The following TXLNB variants were observed in gnomAD, a reference collection of about 807,000 sequenced individuals.
TXLNB encodes the protein beta-taxilin.
TXLNB carries 37 observed loss-of-function variants against 57.4 expected under a neutral mutation model. That is an observed-to-expected ratio of 0.64 (90% CI 0.50 to 0.85). TXLNB has a LOEUF of 0.85. TXLNB is among the 40% of genes least tolerant of loss of function. The pLI, the probability that TXLNB is intolerant of heterozygous loss-of-function variation, is 0.00. For synonymous variants in TXLNB, 302 were observed against 309.6 expected (o/e 0.98, Z 0.26); for missense variants, 848 against 825.6 (o/e 1.03, Z -0.33).
In TXLNB at chr6:139,240,410, T is replaced by C. The variant is rs1562268031; in HGVS notation, c.*2116A>G. 1 of 152,676 alleles carries C rather than the reference T, an allele frequency of 6.5e-6. No homozygotes were observed. The highest frequency in any genetic ancestry group is 1.5e-5 in the Non-Finnish European group (1 of 68,046). 9.5% of individuals were successfully genotyped at this position (152,676 alleles called of 1,614,324 possible). ...TGTGTTTCTGTGAAAGTCTTTTGGA[T>C]GAAAATAATGAACTTTGGGTTTTAG... On this transcript the variant is annotated 3_prime_UTR_variant, in exon 10 of 10. Coordinates refer to ENST00000358430, the MANE Select transcript of TXLNB (RefSeq NM_153235.4).
chr6:139,169,447 G>A, the TXLNB span: 1 of 152,082 alleles, frequency 6.6e-6, no homozygotes. Flanking sequence ...TTTCATGTAT[G>A]TAATTTCTTG....
the TXLNB span, among the ~76,000 whole-genome samples, chr6:139,163,352 CT>C: frequency 1.1e-3 from 150 of 142,410 alleles, no homozygotes; most frequent in South Asian, 6.1e-3. Context: ...GTTCTCCATT[CT>C]TTTTTTTTTT....
the TXLNB span, among the ~76,000 whole-genome samples, chr6:139,314,785 C>T: frequency 6.6e-6 from 1 of 152,214 alleles, no homozygotes; most frequent in Non-Finnish European, 1.5e-5. Flanking sequence ...ACCTAACCAA[C>T]TCCATCTTGC....
chr6:139,228,484 C>A, the TXLNB span, among the ~76,000 whole-genome samples: 8 of 148,970 alleles, frequency 5.4e-5, no homozygotes, highest in Non-Finnish European at 1.0e-4. Flanking sequence ...TGAGATCATG[C>A]CACTGCACCC....
chr6:139,187,706 C>T, the TXLNB span, among the ~76,000 whole-genome samples: 1 of 152,264 alleles, frequency 6.6e-6, no homozygotes. Flanking sequence ...CTCCCAGCTG[C>T]CAGCATTCAT....
chr6:139,229,511 T>G, the TXLNB span, among the ~76,000 whole-genome samples: 1 of 152,094 alleles, frequency 6.6e-6, no homozygotes, highest in African/African-American at 2.4e-5. Context: ...TTAGTAGAGA[T>G]GGGGCTTTAC....
At chr6:139,164,552 A>G in the TXLNB span, among the ~76,000 whole-genome samples, 1 of 152,166 alleles carries the variant, frequency 6.6e-6, no homozygotes, top group Non-Finnish European at 1.5e-5. Flanking sequence ...GCTTCTGCCT[A>G]GAGGATGAGG....
chr6:139,163,605 C>T, the TXLNB span, among the ~76,000 whole-genome samples: 3 of 152,294 alleles, frequency 2.0e-5, no homozygotes, highest in East Asian at 1.9e-4. Context: ...CCACCCGCCA[C>T]GGCCTTCGAA....
At chr6:139,174,290 T>C in the TXLNB span, 1 of 1,370,570 alleles carries the variant, frequency 7.3e-7, no homozygotes, top group African/African-American at 1.4e-5. Context: ...ATAAAATCTT[T>C]GCTTATAATT....
At chr6:139,161,763 G>A in the TXLNB span, among the ~76,000 whole-genome samples, 9 of 152,254 alleles carry the variant, frequency 5.9e-5, no homozygotes, top group South Asian at 4.1e-4. Context: ...TTGGTCTTGG[G>A]TTAGTAAAAT....
the TXLNB span, among the ~76,000 whole-genome samples, chr6:139,225,392 T>C: frequency 6.6e-6 from 1 of 152,208 alleles, no homozygotes; most frequent in Admixed American, 6.5e-5. Flanking sequence ...AATGCCATTA[T>C]TTCTAGATGA....
At chr6:139,311,564 G>A in the TXLNB span, among the ~76,000 whole-genome samples, 1 of 152,108 alleles carries the variant, frequency 6.6e-6, no homozygotes, top group Admixed American at 6.6e-5. Flanking sequence ...AAGGCCTCTA[G>A]CTGACCTTGT....
intron 6 of TXLNB, among the ~76,000 whole-genome samples, chr6:139,258,364 G>A (rs922782737): frequency 3.3e-5 from 5 of 152,064 alleles, no homozygotes; most frequent in Non-Finnish European, 5.9e-5. Context: ...AATATACTAT[G>A]GGAAGCATAT....
Position 139,262,655 on chromosome 6 carries a change from A to G in TXLNB, c.806T>C (p.Met269Thr), listed in dbSNP as rs1562278998. 3.7e-6 allele frequency: 6 copies of G among 1,614,078 alleles called. No homozygotes were observed. The highest frequency in any genetic ancestry group is 3.3e-5 in the Admixed American group (2 of 60,000). Residue 269 changes from methionine (M) to threonine (T), a missense_variant, in exon 5 of 10, where the codon ATG becomes ACG. By Grantham distance (81) the Met-to-Thr change is moderately conservative. Coordinates refer to ENST00000358430, the MANE Select transcript of TXLNB (RefSeq NM_153235.4). ...GQIEQQSERN[M>T]KLCQENTELA... ...CTCTGTGTTCTCCTGACAGAGCTTC[A>G]TATTTCGCTCACTCTGCTGCTCGAT...
chr6:139,305,587 TAG>T, the TXLNB span, among the ~76,000 whole-genome samples: 1 of 152,174 alleles, frequency 6.6e-6, no homozygotes, highest in South Asian at 2.1e-4. Flanking sequence ...TATAAATTGT[TAG>T]AGTCAGAAAG....
chr6:139,187,419 T>A, the TXLNB span, among the ~76,000 whole-genome samples: 2 of 111,666 alleles, frequency 1.8e-5, no homozygotes, highest in African/African-American at 7.1e-5. Flanking sequence ...TTCCATTTTT[T>A]AAAATCTTTT....
the TXLNB span, among the ~76,000 whole-genome samples, chr6:139,160,743 G>A: frequency 2.0e-5 from 3 of 152,288 alleles, no homozygotes; most frequent in East Asian, 5.8e-4. Context: ...ACACCTGTAT[G>A]GCATGTTCAA....
chr6:139,166,130 G>A, the TXLNB span: 1 of 631,872 alleles, frequency 1.6e-6, no homozygotes, highest in Non-Finnish European at 2.7e-6. Flanking sequence ...TTATTCCCTG[G>A]TTCACTGGAG....
chr6:139,193,840 A>ATATATTTT, the TXLNB span, among the ~76,000 whole-genome samples: 5 of 85,232 alleles, frequency 5.9e-5, no homozygotes, highest in Admixed American at 6.5e-4. Flanking sequence ...ATATATATAT[A>ATATATTTT]TTTTTTTTTT....
Sources: allele counts gnomAD v4.1 joint callset (sites outside exome capture counted in the v4.1 genomes callset), GRCh38; gene constraint gnomAD v4.1.1; transcripts MANE v1.5; gene names NCBI Gene and HGNC (gene_info 2026-07-23, HGNC 2026-07-21).